AVEN: variants seen among roughly 807,000 people sequenced by gnomAD.
AVEN encodes the protein apoptosis and caspase activation inhibitor.
AVEN carries 41 observed loss-of-function variants against 38.1 expected under a neutral mutation model. That is an observed-to-expected ratio of 1.08 (90% CI 0.84 to 1.40). The LOEUF is 1.40. Among genes scored for constraint, AVEN ranks in the 40% most tolerant of loss-of-function variants. The pLI, the probability that AVEN is intolerant of heterozygous loss-of-function variation, is 0.00. For missense variants in AVEN, 605 were observed against 438.8 expected, an observed-to-expected ratio of 1.38 and a Z score of -3.38; for synonymous variants, 206 against 171.8, an observed-to-expected ratio of 1.20 and a Z score of -1.56.
chr15:33,857,013 T>G (rs916322768), downstream of AVEN, among the ~76,000 whole-genome samples: 1 of 152,110 alleles, frequency 6.6e-6, no homozygotes, highest in African/African-American at 2.4e-5. Flanking sequence ...AAGCCTCAGG[T>G]AACAGCTAGC....
downstream of AVEN, chr15:33,865,483 C>CAAGTTTTCCAGTTCTGAGGTAACTAGT (rs1458026211): frequency 4.8e-5 from 20 of 413,246 alleles, no homozygotes; most frequent in Non-Finnish European, 7.4e-5. Flanking sequence ...CAAATGCCTT[C>CAAGTTTTCCAGTTCTGAGGTAACTAGT]AAGTTTTCCA....
At chr15:33,869,832 T>TC (rs1890859162) in intron 4 of AVEN, among the ~76,000 whole-genome samples, 1 of 152,082 alleles carries the variant, frequency 6.6e-6, no homozygotes, top group Admixed American at 6.6e-5. Flanking sequence ...TCACTTTTTT[T>TC]TTTTTTTTTG....
chr15:33,916,806 G>A (rs1299626019), intron 2 of AVEN, among the ~76,000 whole-genome samples: 1 of 151,910 alleles, frequency 6.6e-6, no homozygotes, highest in Non-Finnish European at 1.5e-5. Flanking sequence ...TGGTGAGACT[G>A]GGTAATTTAG....
At chr15:34,061,100 G>A (rs1166477703) in intron 5 of AVEN, among the ~76,000 whole-genome samples, 2 of 150,678 alleles carry the variant, frequency 1.3e-5, no homozygotes, top group African/African-American at 4.9e-5. Flanking sequence ...TCAAATTTAT[G>A]TTGTATGCAT....
At chr15:33,884,045 G>T (rs184342637) in intron 2 of AVEN, among the ~76,000 whole-genome samples, 1 of 152,212 alleles carries the variant, frequency 6.6e-6, no homozygotes, top group East Asian at 1.9e-4. Context: ...TTCTCCAAAA[G>T]ACAACCTGGC....
At position 33,984,303 on chromosome 15, in the gene AVEN, ATAAG is replaced by A. The variant is rs199809494; in HGVS notation, c.445+18725_445+18728del. Among the ~76,000 whole-genome samples the A allele has an allele frequency of 3.4e-3, 520 of 152,310 alleles. 22 individuals carry two copies. The East Asian group carries it at 0.082, about 24-fold the overall frequency. The stretch of plus-strand genomic sequence containing the variant: ...TATTAGAAAATAAAAAGTTTACAAA[ATAAG>A]TAATTGGACCTTAATGTCATTTTAT... On this transcript the variant is annotated intron_variant, in intron 2 of 5. Transcript: ENST00000306730.
chr15:33,867,166 C>T (rs1381094671), intron 5 of AVEN, among the ~76,000 whole-genome samples: 3 of 152,194 alleles, frequency 2.0e-5, no homozygotes, highest in Non-Finnish European at 4.4e-5. Flanking sequence ...GGTGGCCTGT[C>T]AGTCGATTAA....
At chr15:33,994,446 T>C (rs1896853816) in intron 2 of AVEN, among the ~76,000 whole-genome samples, 2 of 152,118 alleles carry the variant, frequency 1.3e-5, no homozygotes, top group Admixed American at 1.3e-4. Context: ...CACAATGTAA[T>C]AATAATAGAA....
At chr15:34,055,779 C>T (rs1469177114) in intron 5 of AVEN, among the ~76,000 whole-genome samples, 3 of 151,728 alleles carry the variant, frequency 2.0e-5, no homozygotes, top group Non-Finnish European at 2.9e-5. Context: ...CCAGCCTGGG[C>T]GACGGAGCAA....
chr15:33,910,020 C>T (rs759769376), intron 2 of AVEN, among the ~76,000 whole-genome samples: 16 of 151,516 alleles, frequency 1.1e-4, no homozygotes, highest in South Asian at 2.1e-4. Flanking sequence ...CTTAGCTACT[C>T]GGGAGGCTGA....
upstream of AVEN, among the ~76,000 whole-genome samples, chr15:34,040,667 C>T (rs1368591146): frequency 6.6e-6 from 1 of 151,942 alleles, no homozygotes; most frequent in Non-Finnish European, 1.5e-5. Flanking sequence ...GTGGTTCGTG[C>T]CTGTAATCCC....
intron 2 of AVEN, among the ~76,000 whole-genome samples, chr15:33,922,458 C>CAGGG (rs1282359932): frequency 6.6e-6 from 1 of 152,004 alleles, no homozygotes; most frequent in Non-Finnish European, 1.5e-5. Flanking sequence ...ATTTTTGAGA[C>CAGGG]AGGGTCTCAC....
chr15:34,066,771 C>T (rs2140852915), exon 3 of AVEN: 1 of 151,206 alleles, frequency 6.6e-6, no homozygotes, highest in South Asian at 2.1e-4. Context: ...GCTATGATCA[C>T]ACTACTGCAT....
At chr15:33,911,503 C>A (rs1892918341) in intron 2 of AVEN, among the ~76,000 whole-genome samples, 1 of 151,948 alleles carries the variant, frequency 6.6e-6, no homozygotes, top group African/African-American at 2.4e-5. Context: ...ATGCAATGCC[C>A]GGAAAAAGAG....
chr15:33,890,329 C>T (rs1328398733), intron 2 of AVEN, among the ~76,000 whole-genome samples: 3 of 152,068 alleles, frequency 2.0e-5, no homozygotes, highest in East Asian at 1.9e-4. Flanking sequence ...GTGACTGGTG[C>T]GGTGCCTGGC....
chr15:33,919,876 T>C (rs1266662637), intron 2 of AVEN, among the ~76,000 whole-genome samples: 1 of 152,216 alleles, frequency 6.6e-6, no homozygotes, highest in African/African-American at 2.4e-5. Context: ...TGAATGTAGA[T>C]AAGTATCACT....
chr15:33,858,574 C>G (rs1597087742), downstream of AVEN: 1 of 153,730 alleles, frequency 6.5e-6, no homozygotes, highest in Admixed American at 6.5e-5. Flanking sequence ...TGATCATCGT[C>G]TCTCAGAACA....
chr15:33,862,851 T>A (rs1888895944), downstream of AVEN, among the ~76,000 whole-genome samples: 1 of 152,058 alleles, frequency 6.6e-6, no homozygotes, highest in African/African-American at 2.4e-5. Flanking sequence ...CCTGAAGTGA[T>A]CCACCTGCCT....
intron 2 of AVEN, among the ~76,000 whole-genome samples, chr15:33,997,307 T>G (rs1896974885): frequency 1.3e-5 from 2 of 152,300 alleles, no homozygotes; most frequent in Non-Finnish European, 2.9e-5. Context: ...AGACTACTTT[T>G]TTTTTAACCC....
Sources: allele counts gnomAD v4.1 joint callset (sites outside exome capture counted in the v4.1 genomes callset), GRCh38; gene constraint gnomAD v4.1.1; transcripts MANE v1.5; gene names NCBI Gene and HGNC (gene_info 2026-07-23, HGNC 2026-07-21).